CNTN4: variants seen among roughly 807,000 people sequenced by gnomAD.
CNTN4 encodes contactin 4.
Under a neutral mutation model 122.5 loss-of-function variants are expected in CNTN4, and 77 were observed. That is an observed-to-expected ratio of 0.63 (90% confidence interval 0.52 to 0.76). CNTN4 has a LOEUF of 0.76. CNTN4 is among the 30% of genes least tolerant of loss of function. The pLI, the probability that CNTN4 is intolerant of heterozygous loss-of-function variation, is 0.00. For synonymous variants in CNTN4, 512 were observed against 447.0 expected (o/e 1.15, Z -1.83); for missense variants, 1,256 against 1,259.1 (o/e 1.00, Z 0.04).
At chr3:3,043,785 G>A in intron 23 of CNTN4, 81 bp downstream of exon 23, 6 of 911,108 alleles carry the variant, frequency 6.6e-6, no homozygotes, top group Non-Finnish European at 1.1e-5. Context: ...ACAGTTGTCT[G>A]CATTGTCAGT....
At chr3:2,125,320 A>T (rs924367686) in intron 2 of CNTN4, among the ~76,000 whole-genome samples, 1 of 112,736 alleles carries the variant, frequency 8.9e-6, no homozygotes, top group Non-Finnish European at 1.9e-5. Context: ...GCTGAGTAAC[A>T]TTCTATTCTC....
intron 4 of CNTN4, among the ~76,000 whole-genome samples, chr3:2,699,475 T>G (rs1462739800): frequency 6.6e-6 from 1 of 152,228 alleles, no homozygotes; most frequent in Non-Finnish European, 1.5e-5. Context: ...CTTGTAAAAG[T>G]CAGGTGTAAA....
intron 3 of CNTN4, among the ~76,000 whole-genome samples, chr3:2,368,403 G>C (rs564162581): frequency 6.6e-6 from 1 of 152,158 alleles, no homozygotes; most frequent in African/African-American, 2.4e-5. Flanking sequence ...GAGTTTATAT[G>C]TGGCTGTGTC....
rs71058629 is a variant in CNTN4 at position 2,591,352 on chromosome 3, C to CTTTTTTTTTTTTTTT, written c.55+19810_55+19824dup. Among the ~76,000 whole-genome samples the CTTTTTTTTTTTTTTT allele has an allele frequency of 5.5e-5, 2 of 36,376 alleles. 1 individual carries two copies. Among genetic ancestry groups the CTTTTTTTTTTTTTTT allele is most frequent in the African/African-American group, 1.9e-4 (2 of 10,278 alleles). 23.9% of individuals were successfully genotyped at this position (36,376 alleles called of 152,430 possible). ...CTTTGAAGAACTAGTAGATTTGTGA[C>CTTTTTTTTTTTTTTT]TTTTTTTTTTTTTTTTTTTTTTTTT... On this transcript the variant is annotated intron_variant, in intron 4 of 24. Transcript: ENST00000418658.
At chr3:2,695,170 T>C (rs150506029) in intron 4 of CNTN4, among the ~76,000 whole-genome samples, 2 of 152,016 alleles carry the variant, frequency 1.3e-5, no homozygotes, top group Non-Finnish European at 2.9e-5. Flanking sequence ...AGAGAAAGAG[T>C]TGGACTTTGT....
chr3:2,144,722 G>T (rs920779475), intron 2 of CNTN4, among the ~76,000 whole-genome samples: 2 of 152,100 alleles, frequency 1.3e-5, no homozygotes, highest in Non-Finnish European at 1.5e-5. Context: ...ATAAACCAGT[G>T]CCCAGCACAT....
chr3:2,473,235 A>AC (rs565906943), intron 3 of CNTN4, among the ~76,000 whole-genome samples: 7,471 of 77,000 alleles, frequency 0.097, 264 homozygotes, highest in East Asian at 0.23. Flanking sequence ...CCATCTCAAA[A>AC]AAAAAAAAAA....
At chr3:2,904,902 T>G in intron 12 of CNTN4, among the ~76,000 whole-genome samples, 1 of 152,176 alleles carries the variant, frequency 6.6e-6, no homozygotes, top group East Asian at 1.9e-4. Context: ...TTTAAGAGAT[T>G]TTGTAGATCC....
intron 4 of CNTN4, among the ~76,000 whole-genome samples, chr3:2,721,416 A>G (rs1314260646): frequency 2.0e-5 from 3 of 152,196 alleles, no homozygotes; most frequent in Non-Finnish European, 4.4e-5. Context: ...CAGAAATAAT[A>G]CCTGCCTTAG....
intron 4 of CNTN4, among the ~76,000 whole-genome samples, chr3:2,644,329 A>G (rs1429045083): frequency 6.6e-6 from 1 of 152,172 alleles, no homozygotes; most frequent in Non-Finnish European, 1.5e-5. Flanking sequence ...AAAGTAGAAG[A>G]AACATTTCTT....
At position 2,806,891 on chromosome 3, in the gene CNTN4, CT is replaced by C. The variant is rs375527689; in HGVS notation, c.359-12591del. Among the ~76,000 whole-genome samples the C allele has an allele frequency of 4.7e-3, 717 of 152,224 alleles. 6 individuals are homozygous for C. The highest frequency in any genetic ancestry group is 0.016 in the African/African-American group (683 of 41,524). On this transcript the variant is annotated intron_variant, in intron 6 of 24. Coordinates refer to ENST00000418658, the MANE Select transcript of CNTN4 (RefSeq NM_175607.3). The stretch of plus-strand genomic sequence containing the variant: ...TAGGATGGAAAGCAGAAAGGTTCTA[CT>C]TTTATATTACTTCTTCTTTTCAAAT...
chr3:2,215,748 T>TG (rs1488918706), intron 2 of CNTN4, among the ~76,000 whole-genome samples: 1 of 151,674 alleles, frequency 6.6e-6, no homozygotes, highest in Non-Finnish European at 1.5e-5. Flanking sequence ...CCAGGCGTGG[T>TG]GGCATGCGCC....
chr3:2,593,497 G>C (rs767013384), intron 4 of CNTN4, among the ~76,000 whole-genome samples: 13 of 152,130 alleles, frequency 8.5e-5, no homozygotes, highest in Admixed American at 1.3e-4. Flanking sequence ...TGGATTTGTG[G>C]CCTCTGAAAT....
intron 4 of CNTN4, among the ~76,000 whole-genome samples, chr3:2,712,545 A>G (rs2087214779): frequency 6.6e-6 from 1 of 152,232 alleles, no homozygotes; most frequent in South Asian, 2.1e-4. Context: ...AGCCTACAGA[A>G]ATGAAGACCT....
chr3:2,856,192 T>C (rs1261589336), intron 7 of CNTN4, among the ~76,000 whole-genome samples: 1 of 152,212 alleles, frequency 6.6e-6, no homozygotes, highest in Non-Finnish European at 1.5e-5. Flanking sequence ...TGTATTCTTG[T>C]CCACAAGCAG....
intron 4 of CNTN4, among the ~76,000 whole-genome samples, chr3:2,723,684 A>C (rs930760521): frequency 2.6e-5 from 4 of 152,202 alleles, no homozygotes; most frequent in African/African-American, 7.2e-5. Context: ...TTACCTCTAA[A>C]TACTGTTGCG....
intron 4 of CNTN4, among the ~76,000 whole-genome samples, chr3:2,626,093 C>T (rs1454372052): frequency 1.3e-5 from 2 of 152,190 alleles, no homozygotes; most frequent in African/African-American, 4.8e-5. Flanking sequence ...TGCCAGTTCT[C>T]TTGAGTTGCA....
chr3:2,688,206 A>T (rs1369562741), intron 4 of CNTN4, among the ~76,000 whole-genome samples: 1 of 152,206 alleles, frequency 6.6e-6, no homozygotes, highest in Non-Finnish European at 1.5e-5. Flanking sequence ...CTTTTAAAAA[A>T]TAATCTGCTT....
chr3:2,655,411 G>C (rs2083543394), intron 4 of CNTN4, among the ~76,000 whole-genome samples: 1 of 152,134 alleles, frequency 6.6e-6, no homozygotes, highest in South Asian at 2.1e-4. Flanking sequence ...ACCTTTGTCA[G>C]AATGAGATTG....
Sources: allele counts gnomAD v4.1 joint callset (sites outside exome capture counted in the v4.1 genomes callset), GRCh38; gene constraint gnomAD v4.1.1; transcripts MANE v1.5; gene names NCBI Gene and HGNC (gene_info 2026-07-23, HGNC 2026-07-21).